Variants in DPH6 observed in about 807,000 individuals in gnomAD.
The protein encoded by DPH6 is diphthine--ammonia ligase.
Under a neutral mutation model 38.2 loss-of-function variants are expected in DPH6, and 33 were observed. The ratio of observed to expected loss-of-function variants is 0.86; its 90% CI spans 0.65 to 1.15. The LOEUF (loss-of-function observed/expected upper bound fraction) is 1.15, where lower values mean the gene tolerates loss of function less well. Ranked by LOEUF, DPH6 falls within the 50% of genes most tolerant of loss-of-function variation. DPH6 has a pLI of 0.00. For synonymous variants in DPH6, 108 were observed against 103.0 expected (o/e 1.05, Z -0.30); for missense variants, 325 against 320.0 (o/e 1.02, Z -0.12).
intron 6 of DPH6, chr15:35,401,113 G>T: frequency 1.1e-6 from 1 of 915,816 alleles, no homozygotes; most frequent in South Asian, 1.3e-5. Context: ...AACCTTTGAT[G>T]ACCATGACTT....
chr15:35,354,091 T>G (rs2052539053), intron 3 of DPH6, among the ~76,000 whole-genome samples: 1 of 152,210 alleles, frequency 6.6e-6, no homozygotes, highest in Non-Finnish European at 1.5e-5. Context: ...TGTCTATTAT[T>G]GGTGTATAAG....
intron 6 of DPH6, among the ~76,000 whole-genome samples, chr15:35,408,226 G>A (rs1196437434): frequency 3.3e-5 from 5 of 151,888 alleles, no homozygotes; most frequent in Non-Finnish European, 7.4e-5. Flanking sequence ...TAGGCAATGA[G>A]GACTCACTTA....
intron 6 of DPH6, among the ~76,000 whole-genome samples, chr15:35,400,301 GTTA>G (rs2053200049): frequency 6.6e-6 from 1 of 152,088 alleles, no homozygotes; most frequent in Non-Finnish European, 1.5e-5. Flanking sequence ...GGCTTTTACA[GTTA>G]TTATAATATA....
At chr15:35,362,831 G>A (rs954396372) in intron 3 of DPH6, among the ~76,000 whole-genome samples, 2 of 152,124 alleles carry the variant, frequency 1.3e-5, no homozygotes, top group East Asian at 1.9e-4. Flanking sequence ...CTTGTCTGGG[G>A]TAGTGTGACT....
chr15:35,288,142 T>C (rs991084686), intron 3 of DPH6, among the ~76,000 whole-genome samples: 1 of 152,196 alleles, frequency 6.6e-6, no homozygotes, highest in African/African-American at 2.4e-5. Context: ...ATACTGATTA[T>C]CCTTTCCTAT....
intron 3 of DPH6, among the ~76,000 whole-genome samples, chr15:35,484,441 C>T (rs2054369815): frequency 6.6e-6 from 1 of 152,160 alleles, no homozygotes; most frequent in Non-Finnish European, 1.5e-5. Flanking sequence ...TCTGAAGATT[C>T]AACTGGGATA....
intron 3 of DPH6, among the ~76,000 whole-genome samples, chr15:35,233,164 A>C (rs1320314174): frequency 6.6e-6 from 1 of 151,988 alleles, no homozygotes; most frequent in East Asian, 1.9e-4. Flanking sequence ...AAAAAATTAG[A>C]AAGGTGTGGT....
At chr15:35,430,894 A>G (rs2032127928) in intron 5 of DPH6, among the ~76,000 whole-genome samples, 1 of 152,172 alleles carries the variant, frequency 6.6e-6, no homozygotes, top group South Asian at 2.1e-4. Flanking sequence ...TTACAAGTAC[A>G]GTATAGGAAG....
At chr15:35,324,807 CAAAAT>C (rs2052269035) in intron 3 of DPH6, among the ~76,000 whole-genome samples, 1 of 151,974 alleles carries the variant, frequency 6.6e-6, no homozygotes, top group Non-Finnish European at 1.5e-5. Flanking sequence ...ATATGGGAAA[CAAAAT>C]AAAATTATTA....
Position 35,538,432 on chromosome 15 carries a change from T to C in DPH6, c.154A>G (p.Thr52Ala), listed in dbSNP as rs1239205170. ...SDELDSYMYQ[T>A]VGHHAIDLYA... Reference sequence around the variant, plus strand: ...AAGTCAATGGCATGGTGCCCCACTGTCTGATACATGTAGCTATCCAGTTCA... The same window carrying C: ...AAGTCAATGGCATGGTGCCCCACTGCCTGATACATGTAGCTATCCAGTTCA... The change falls in exon 3 of 9, where the codon ACA becomes GCA. Residue 52 changes from threonine to alanine, a missense_variant. Transcript: ENST00000256538. The C allele has an allele frequency of 1.1e-5, 18 of 1,588,034 alleles. No individual in the cohort carries two copies. The highest frequency in any genetic ancestry group is 1.5e-5 in the Non-Finnish European group (17 of 1,160,698).
At chr15:35,541,772 T>C (rs2055256616) in intron 2 of DPH6, among the ~76,000 whole-genome samples, 1 of 152,100 alleles carries the variant, frequency 6.6e-6, no homozygotes, top group Non-Finnish European at 1.5e-5. Context: ...AATTGGTGAA[T>C]ATATTTCTTT....
chr15:35,177,942 CA>C, the DPH6 span, among the ~76,000 whole-genome samples: 23 of 146,768 alleles, frequency 1.6e-4, no homozygotes, highest in South Asian at 6.5e-4. Flanking sequence ...AACTCTGCCT[CA>C]AAAAAAAAAT....
chr15:35,154,854 C>T, the DPH6 span, among the ~76,000 whole-genome samples: 3 of 152,074 alleles, frequency 2.0e-5, no homozygotes, highest in Admixed American at 6.6e-5. Flanking sequence ...AATATCACAG[C>T]CTGTAGATGA....
rs2053208333 is a variant in DPH6 at position 35,400,887 on chromosome 15, G to T, written c.567+9948C>A. On this transcript the variant is annotated intron_variant, in intron 6 of 8. Coordinates refer to ENST00000256538, the MANE Select transcript of DPH6 (RefSeq NM_080650.4). ...GGTTTGTCTCATATGCCACTGTGGA[G>T]GAGGTGGATGCAGCCATGAATGCAA... The T allele has an allele frequency of 1.8e-5, 17 of 943,512 alleles. No homozygotes were observed. The South Asian group carries it at 2.2e-4, about 12-fold the overall frequency. The allele number at this position is 943,512 out of a possible 1,614,324, so 58.4% of individuals were successfully genotyped here.
chr15:35,358,026 T>C (rs1297921368), intron 3 of DPH6, among the ~76,000 whole-genome samples: 1 of 152,230 alleles, frequency 6.6e-6, no homozygotes, highest in African/African-American at 2.4e-5. Flanking sequence ...CGAATTATTC[T>C]TAGGTTTGGT....
intron 3 of DPH6, among the ~76,000 whole-genome samples, chr15:35,493,890 T>C (rs12900010): frequency 0.62 from 94,369 of 151,912 alleles, 33,347 homozygotes; most frequent in South Asian, 0.82. Context: ...GAGTCTGGGA[T>C]AAAAATGTAC....
chr15:35,375,798 G>A (rs1459025561), intron 7 of DPH6, among the ~76,000 whole-genome samples: 1 of 151,882 alleles, frequency 6.6e-6, no homozygotes, highest in Non-Finnish European at 1.5e-5. Flanking sequence ...CTGAGGTGTT[G>A]GGGTCAGGCT....
At chr15:35,161,701 T>A in the DPH6 span, among the ~76,000 whole-genome samples, 2 of 93,226 alleles carry the variant, frequency 2.1e-5, no homozygotes, top group Non-Finnish European at 5.9e-5. Flanking sequence ...GCTCGCTCTC[T>A]CTCTCTCTCT....
intron 2 of DPH6, 38 bp from the exon 3 acceptor site, chr15:35,538,505 G>C (rs369411713): frequency 7.0e-7 from 1 of 1,419,562 alleles, no homozygotes; most frequent in Non-Finnish European, 9.4e-7. Flanking sequence ...GCAAAAGAGA[G>C]TGAAAAAGAA....
Sources: allele counts gnomAD v4.1 joint callset (sites outside exome capture counted in the v4.1 genomes callset), GRCh38; gene constraint gnomAD v4.1.1; transcripts MANE v1.5; gene names NCBI Gene and HGNC (gene_info 2026-07-23, HGNC 2026-07-21).